Variants in GTF2IRD1 observed in about 807,000 individuals in gnomAD.
GTF2IRD1 encodes GTF2I repeat domain containing 1.
Under a neutral mutation model 113.2 loss-of-function variants are expected in GTF2IRD1, and 26 were observed. That is an observed-to-expected ratio of 0.23 (90% CI 0.17 to 0.32). The LOEUF (loss-of-function observed/expected upper bound fraction) is 0.32, where lower values mean the gene tolerates loss of function less well. GTF2IRD1 is among the 10% of genes least tolerant of loss of function. The pLI is 1.00. For synonymous variants in GTF2IRD1, 484 were observed against 529.1 expected (o/e 0.91, Z 1.17); for missense variants, 864 against 1,280.8 (o/e 0.67, Z 4.97).
At chr7:74,583,361 CT>C (rs1421210616) in intron 22 of GTF2IRD1, among the ~76,000 whole-genome samples, 2 of 136,880 alleles carry the variant, frequency 1.5e-5, no homozygotes, top group Admixed American at 7.4e-5. Flanking sequence ...GCTAATTTTT[CT>C]TTTTTTTTCT....
intron 23 of GTF2IRD1, among the ~76,000 whole-genome samples, chr7:74,590,181 G>A (rs1801973594): frequency 6.6e-6 from 1 of 151,578 alleles, no homozygotes; most frequent in African/African-American, 2.4e-5. Flanking sequence ...CCTGGGCTTA[G>A]GTGATCCTCC....
In GTF2IRD1 at chr7:74,561,066, G is replaced by A. The variant is rs1404074072; in HGVS notation, c.2320+1411G>A. On this transcript the variant is annotated intron_variant, in intron 22 of 26. Coordinates refer to ENST00000424337, the MANE Select transcript of GTF2IRD1 (RefSeq NM_005685.4). ...AAGGGCTGGCCAGAGCCTCCAGGGC[G>A]GGCCAGGCACGGTGGCTCACACCTG... 3.8e-4 allele frequency among the ~76,000 whole-genome samples: 58 copies of A among 151,996 alleles called. 1 individual carries two copies. The highest frequency in any genetic ancestry group is 4.1e-4 in the South Asian group (2 of 4,826).
intron 12 of GTF2IRD1, 65 bp from the exon 13 acceptor site, chr7:74,538,613 GAA>G: frequency 1.1e-6 from 1 of 930,342 alleles, no homozygotes. Flanking sequence ...GAATGTTCTG[GAA>G]AGAGTCACTC....
At chr7:74,504,100 T>C (rs1156807922) in intron 1 of GTF2IRD1, among the ~76,000 whole-genome samples, 1 of 152,234 alleles carries the variant, frequency 6.6e-6, no homozygotes, top group East Asian at 1.9e-4. Context: ...TGTTCTTTTT[T>C]ATGGCTGCAT....
chr7:74,530,493 A>ATTTTTTTTT (rs57782999), intron 9 of GTF2IRD1, among the ~76,000 whole-genome samples: 1 of 102,236 alleles, frequency 9.8e-6, no homozygotes, highest in East Asian at 2.8e-4. Flanking sequence ...GCACTTTGTA[A>ATTTTTTTTT]TTTTTTTTTT....
intron 22 of GTF2IRD1, 136 bp downstream of exon 22, chr7:74,559,791 T>C (rs1554358533): frequency 4.6e-6 from 3 of 645,892 alleles, no homozygotes; most frequent in Non-Finnish European, 4.9e-6. Flanking sequence ...TTCTTTTTTT[T>C]TTTTCTGAGG....
At position 74,559,039 on chromosome 7, in the gene GTF2IRD1, C is replaced by T. The variant is rs1554358220; in HGVS notation, c.2286C>T (p.Val762=). 1 of 1,613,318 alleles carries T rather than the reference C, an allele frequency of 6.2e-7. No individual in the cohort carries two copies. Among genetic ancestry groups the T allele is most frequent in the South Asian group, 1.1e-5 (1 of 90,966 alleles). The change falls in exon 21 of 27, where the codon GTC becomes GTT. Residue 762 remains valine (V), a synonymous_variant. Transcript: ENST00000424337. ...LAVADKIKFT[V]TRPFQGLIPK... Reference sequence around the variant, plus strand: ...TGGCTGACAAGATCAAGTTCACAGTCACCAGGTACTCAGTGGGAAGGGTGA... The same window carrying T: ...TGGCTGACAAGATCAAGTTCACAGTTACCAGGTACTCAGTGGGAAGGGTGA...
At chr7:74,562,555 CTT>C (rs1167468655) in intron 22 of GTF2IRD1, among the ~76,000 whole-genome samples, 21 of 62,700 alleles carry the variant, frequency 3.3e-4, no homozygotes, top group African/African-American at 1.4e-3. Flanking sequence ...CAATTGCCCT[CTT>C]TTTTTTTTTT....
chr7:74,559,848 C>T (rs1430523881), intron 22 of GTF2IRD1, among the ~76,000 whole-genome samples, 193 bp downstream of exon 22: 2 of 151,910 alleles, frequency 1.3e-5, no homozygotes, highest in Non-Finnish European at 2.9e-5. Context: ...GGCTTCATCT[C>T]GGTTCACTGC....
chr7:74,548,019 T>C (rs1286571787), intron 17 of GTF2IRD1, among the ~76,000 whole-genome samples: 1 of 152,176 alleles, frequency 6.6e-6, no homozygotes, highest in African/African-American at 2.4e-5. Flanking sequence ...GGACCAGCAG[T>C]GGCTTCTACA....
At chr7:74,521,372 G>A (rs1584590067) in intron 7 of GTF2IRD1, 75 bp downstream of exon 7, 1 of 880,408 alleles carries the variant, frequency 1.1e-6, no homozygotes, top group Non-Finnish European at 1.9e-6. Context: ...TGAAATGGAA[G>A]TGTATCTCCT....
chr7:74,519,017 T>A (rs1484834465), intron 5 of GTF2IRD1, among the ~76,000 whole-genome samples: 63 of 152,322 alleles, frequency 4.1e-4, no homozygotes, highest in Non-Finnish European at 2.1e-4. Context: ...TCTGAGGCAG[T>A]ACCAGTTGTC....
chr7:74,596,808 A>G (rs1802443316), intron 25 of GTF2IRD1, among the ~76,000 whole-genome samples: 1 of 152,120 alleles, frequency 6.6e-6, no homozygotes, highest in African/African-American at 2.4e-5. Context: ...TTTTTCTCCC[A>G]TCCAAGTACT....
At chr7:74,523,452 G>A (rs1797407936) in intron 7 of GTF2IRD1, among the ~76,000 whole-genome samples, 1 of 152,148 alleles carries the variant, frequency 6.6e-6, no homozygotes, top group Non-Finnish European at 1.5e-5. Context: ...GGACTTGGTG[G>A]CTCACACCTG....
At chr7:74,554,529 G>A (rs1554356135) in intron 17 of GTF2IRD1, among the ~76,000 whole-genome samples, 2 of 151,998 alleles carry the variant, frequency 1.3e-5, no homozygotes, top group African/African-American at 2.4e-5. Context: ...AGTGGGCCCC[G>A]ACTGTTTCTA....
At chr7:74,569,453 C>G (rs1388907269) in intron 22 of GTF2IRD1, among the ~76,000 whole-genome samples, 1 of 152,074 alleles carries the variant, frequency 6.6e-6, no homozygotes, top group African/African-American at 2.4e-5. Flanking sequence ...CTGGGGTGGC[C>G]AGGTGGGGTT....
At chr7:74,490,605 T>A (rs1262674651) in intron 1 of GTF2IRD1, among the ~76,000 whole-genome samples, 1 of 150,154 alleles carries the variant, frequency 6.7e-6, no homozygotes, top group Non-Finnish European at 1.5e-5. Flanking sequence ...CTCTCAAGCT[T>A]CTTTTTCAAG....
chr7:74,456,421 C>T (rs562841959), intron 1 of GTF2IRD1, among the ~76,000 whole-genome samples: 11 of 152,168 alleles, frequency 7.2e-5, no homozygotes, highest in Non-Finnish European at 8.8e-5. Context: ...CAGTGGCTCA[C>T]GCCTGTAATC....
At chr7:74,475,764 A>G (rs1183583485) in intron 1 of GTF2IRD1, among the ~76,000 whole-genome samples, 1 of 152,192 alleles carries the variant, frequency 6.6e-6, no homozygotes, top group Non-Finnish European at 1.5e-5. Flanking sequence ...ACACCCAGCT[A>G]CAAAACAAGG....
Sources: allele counts gnomAD v4.1 joint callset (sites outside exome capture counted in the v4.1 genomes callset), GRCh38; gene constraint gnomAD v4.1.1; transcripts MANE v1.5; gene names NCBI Gene and HGNC (gene_info 2026-07-23, HGNC 2026-07-21).